The following MBD1 variants were observed in gnomAD, a reference collection of about 807,000 sequenced individuals.
The protein encoded by MBD1 is methyl-CpG binding domain protein 1, also known as methyl-CpG-binding domain protein 1.
MBD1 carries 25 observed loss-of-function variants against 82.6 expected under a neutral mutation model. The observed-to-expected ratio is 0.30, with a 90% confidence interval of 0.22 to 0.42. The LOEUF (loss-of-function observed/expected upper bound fraction) is 0.42. Among genes scored for constraint, MBD1 ranks in the 10% least tolerant of loss-of-function variants. MBD1 has a pLI of 1.00. For synonymous variants in MBD1, 301 were observed against 303.7 expected (o/e 0.99, Z 0.09); for missense variants, 627 against 819.6 (o/e 0.76, Z 2.87).
intron 4 of MBD1, 27 bp downstream of exon 4, chr18:50,276,805 T>A: frequency 6.2e-7 from 1 of 1,614,156 alleles, no homozygotes; most frequent in African/African-American, 1.3e-5. Flanking sequence ...CCCTCACCCA[T>A]CTGGCTCACC....
intron 10 of MBD1, 69 bp from the exon 11 acceptor site, chr18:50,274,422 G>T: frequency 6.5e-7 from 1 of 1,531,414 alleles, no homozygotes; most frequent in South Asian, 1.2e-5. Context: ...GCCTATTCCA[G>T]TGCTGGTCCT....
In MBD1 at chr18:50,268,885, G is replaced by C; in HGVS notation, c.*966C>G. 2 of 980,514 alleles carry C rather than the reference G, an allele frequency of 2.0e-6. No individual in the cohort carries two copies. The highest frequency in any genetic ancestry group is 2.4e-6 in the Non-Finnish European group (2 of 825,440). 60.7% of individuals were successfully genotyped at this position (980,514 alleles called of 1,614,324 possible). The stretch of plus-strand genomic sequence containing the variant: ...AAAATTTAAAAATAATTTTAAAATA[G>C]AACAGCTTAGAGATAGAAACTAAAT... On this transcript the variant is annotated 3_prime_UTR_variant, in exon 17 of 17. Coordinates refer to ENST00000269468, the MANE Select transcript of MBD1 (RefSeq NM_015846.4).
chr18:50,281,284 C>T, intron 1 of MBD1, 79 bp downstream of exon 1: 6 of 1,448,478 alleles, frequency 4.1e-6, no homozygotes, highest in Non-Finnish European at 4.7e-6. Context: ...TTCATTCCTC[C>T]CCGTCAGCGT....
At chr18:50,267,061 A>G (rs1375526110), downstream of MBD1, 2 of 157,556 alleles carry the variant, frequency 1.3e-5, 1 homozygote. Flanking sequence ...ATCTGGGACT[A>G]CAAAGCCTGC....
intron 2 of MBD1, among the ~76,000 whole-genome samples, chr18:50,279,472 A>G (rs1409182913): frequency 2.6e-5 from 4 of 152,230 alleles, no homozygotes; most frequent in Non-Finnish European, 2.9e-5. Context: ...CTCACAGAAC[A>G]CTAAACAGCA....
At chr18:50,278,629 G>A (rs2039007800) in intron 2 of MBD1, among the ~76,000 whole-genome samples, 1 of 152,294 alleles carries the variant, frequency 6.6e-6, no homozygotes, top group Middle Eastern at 3.4e-3. Context: ...TAAAAAATCA[G>A]AAAGAATATA....
chr18:50,267,687 C>G (rs1450369168), downstream of MBD1: 4 of 1,503,752 alleles, frequency 2.7e-6, no homozygotes, highest in South Asian at 4.8e-5. Context: ...AAGAATGACA[C>G]TGTGATACTC....
chr18:50,269,747 G>A lies in MBD1; in HGVS notation c.*104C>T, dbSNP rs1400300136. The A allele has an allele frequency of 1.7e-5, 13 of 781,616 alleles. No individual in the cohort carries two copies. The highest frequency in any genetic ancestry group is 2.2e-4 in the Middle Eastern group (1 of 4,470). The allele number at this position is 781,616 out of a possible 1,614,324, so 48.4% of individuals were successfully genotyped here. ...TCCTCGTGGGTTCCAGCTCGTGCTC[G>A]TGGGCTCCACTGTGTCCTCGGTCTC... is the stretch of plus-strand genomic sequence containing the variant. On this transcript the variant is annotated 3_prime_UTR_variant, in exon 17 of 17. Transcript: ENST00000269468.
Position 50,277,111 on chromosome 18 carries a change from G to A in MBD1, c.204C>T (p.Ile68=). The A allele has an allele frequency of 6.2e-7, 1 of 1,614,264 alleles. No homozygotes were observed. The highest frequency in any genetic ancestry group is 2.2e-5 in the East Asian group (1 of 44,874). The change falls in exon 3 of 17, where the codon ATC becomes ATT. Residue 68 remains isoleucine (I), a synonymous_variant. Coordinates refer to ENST00000269468, the MANE Select transcript of MBD1 (RefSeq NM_015846.4). The part of the protein sequence containing the change: ...DLTLFDFKQG[I]LCYPAPKAHP... ...GTACCTTGGGGGCTGGATAGCACAA[G>A]ATGCCTTGTTTGAAGTCGAAGAGGG...
At position 50,273,403 on chromosome 18, in the gene MBD1, G is replaced by T; in HGVS notation, c.1515C>A (p.Thr505=). ...LPQVKQEKAD[T]QDEWTPGTAV... is the part of the protein sequence containing the mutation. ...CTGTGCCTGGTGTCCACTCGTCCTG[G>T]GTATCCGCCTTCTCTTGCTTCACCT... Residue 505 remains threonine, a synonymous_variant, in exon 13 of 17, where the codon ACC becomes ACA. Coordinates refer to ENST00000269468, the MANE Select transcript of MBD1 (RefSeq NM_015846.4). 6.2e-7 allele frequency: 1 copy of T among 1,614,210 alleles called. No individual in the cohort carries two copies. The highest frequency in any genetic ancestry group is 2.2e-5 in the East Asian group (1 of 44,888).
rs912503354 is a variant in MBD1, at chr18:50,269,225, T to C, written c.*626A>G. 1.2e-5 allele frequency: 13 copies of C among 1,078,082 alleles called. No individual in the cohort carries two copies. The Admixed American group carries it at 3.4e-4, about 29-fold the overall frequency. 66.8% of individuals were successfully genotyped at this position (1,078,082 alleles called of 1,614,324 possible). On this transcript the variant is annotated 3_prime_UTR_variant, in exon 17 of 17. Coordinates refer to ENST00000269468, the MANE Select transcript of MBD1 (RefSeq NM_015846.4). ...ATCTCTGTACTTGCTGGAATCACCA[T>C]GAAATCCATGGTCTTCAGCTTTGCA...
At chr18:50,268,084 C>T (rs1462294761), downstream of MBD1, among the ~76,000 whole-genome samples, 1 of 152,260 alleles carries the variant, frequency 6.6e-6, no homozygotes, top group African/African-American at 2.4e-5. Flanking sequence ...AGGTGGTCGT[C>T]TCGGTTTCCT....
At position 50,273,877 on chromosome 18, in the gene MBD1, T is replaced by G; in HGVS notation, c.1147-14A>C. The G allele has an allele frequency of 6.2e-7, 1 of 1,610,754 alleles. No homozygotes were observed. Among genetic ancestry groups the G allele is most frequent in the Non-Finnish European group, 8.5e-7 (1 of 1,179,904 alleles). The stretch of plus-strand genomic sequence containing the variant: ...CAGCAGCCGCTTCTATGGGGAAAGA[T>G]AGGGTGCTATGGCTACCTGGTGTCC... On this transcript the variant is annotated splice_polypyrimidine_tract_variant and intron_variant, in intron 11 of 16. Coordinates refer to ENST00000269468, the MANE Select transcript of MBD1 (RefSeq NM_015846.4).
At chr18:50,273,206 T>C in intron 13 of MBD1, 128 bp downstream of exon 13, 1 of 1,364,856 alleles carries the variant, frequency 7.3e-7, no homozygotes, top group African/African-American at 1.4e-5. Context: ...ACAGGCGGGG[T>C]AATTCTGCAG....
In MBD1 at chr18:50,275,494, A is replaced by G. The variant is rs766766026; in HGVS notation, c.792+106T>C. ...GGGCCAGAAAGGCGAGCATAGGGTT[A>G]GGCAGAAAAGAAAGACATGAGGTAG... is the stretch of plus-strand genomic sequence containing the variant. On this transcript the variant is annotated intron_variant, in intron 8 of 16. Transcript: ENST00000269468. 6.9e-5 allele frequency: 110 copies of G among 1,601,118 alleles called. 1 individual carries two copies. Among genetic ancestry groups the G allele is most frequent in the Non-Finnish European group, 9.0e-5 (106 of 1,173,058 alleles).
chr18:50,281,466 T>C lies in MBD1; in HGVS notation c.-129A>G. On this transcript the variant is annotated 5_prime_UTR_variant, in exon 1 of 17. Coordinates refer to ENST00000269468, the MANE Select transcript of MBD1 (RefSeq NM_015846.4). ...CTCGCCCTCCTCCCCTTCCTCCTCC[T>C]CCGCGGCCGCCTCCTCTGAAGCGGT... 1 of 590,836 alleles carries C rather than the reference T, an allele frequency of 1.7e-6. No individual in the cohort carries two copies. The highest frequency in any genetic ancestry group is 3.0e-5 in the Admixed American group (1 of 33,016). 36.6% of individuals were successfully genotyped at this position (590,836 alleles called of 1,614,324 possible).
In MBD1 at chr18:50,279,997, G is replaced by A. The variant is rs1424083579; in HGVS notation, c.-5C>T. On this transcript the variant is annotated 5_prime_UTR_variant, in exon 2 of 17. Transcript: ENST00000269468. Reference sequence around the variant, plus strand: ...GTCCAGCCAGTCCTCAGCCATGGAGGCCACAGGAAGCAGCAGTAGCCTGAA... The same window carrying A: ...GTCCAGCCAGTCCTCAGCCATGGAGACCACAGGAAGCAGCAGTAGCCTGAA... 1 of 1,606,850 alleles carries A rather than the reference G, an allele frequency of 6.2e-7. No homozygotes were observed. The highest frequency in any genetic ancestry group is 8.5e-7 in the Non-Finnish European group (1 of 1,179,688).
rs1202473260 is a variant in MBD1 at position 50,275,274 on chromosome 18, G to A, written c.793-29C>T. On this transcript the variant is annotated intron_variant, in intron 8 of 16. Transcript: ENST00000269468. The stretch of plus-strand genomic sequence containing the variant: ...GGAAAGATCAGAAAGGGTGGTTTCA[G>A]CTTGGTGGCACCAGGCAGACACAGA... 3.7e-6 allele frequency: 6 copies of A among 1,611,870 alleles called. No individual in the cohort carries two copies. In the African/African-American group the frequency reaches 8.0e-5, roughly 22 times the overall value.
At chr18:50,278,134 T>C (rs1026599151) in intron 2 of MBD1, among the ~76,000 whole-genome samples, 4 of 152,214 alleles carry the variant, frequency 2.6e-5, no homozygotes, top group Non-Finnish European at 4.4e-5. Context: ...AACATGGATA[T>C]GGATACGGAT....
Sources: allele counts gnomAD v4.1 joint callset (sites outside exome capture counted in the v4.1 genomes callset), GRCh38; gene constraint gnomAD v4.1.1; transcripts MANE v1.5; gene names NCBI Gene and HGNC (gene_info 2026-07-23, HGNC 2026-07-21).